The following EPHA2 variants were observed in gnomAD, a reference collection of about 807,000 sequenced individuals.
EPHA2 encodes ephrin type-A receptor 2.
In EPHA2, 54 loss-of-function variants were observed where a neutral mutation model predicts 104.9. The observed-to-expected ratio is 0.51, with a 90% CI of 0.41 to 0.65. The LOEUF (loss-of-function observed/expected upper bound fraction) is 0.65, where lower values mean the gene tolerates loss of function less well. Ranked by LOEUF, EPHA2 falls within the 30% of genes least tolerant of loss-of-function variation. EPHA2 has a pLI of 0.00. For synonymous variants in EPHA2, 560 were observed against 559.1 expected (o/e 1.00, Z -0.02); for missense variants, 1,117 against 1,369.5 (o/e 0.82, Z 2.91).
At position 16,124,399 on chromosome 1, in the gene EPHA2, A is replaced by G. The variant is rs1325647421; in HGVS notation, c.*816T>C. ...AATAAGTCATTTTCTAACAATAAAT[A>G]TAAAAAAAATAATAAATTAAGATTC... On this transcript the variant is annotated 3_prime_UTR_variant, in exon 17 of 17. Transcript: ENST00000358432. 1 of 152,618 alleles carries G rather than the reference A, an allele frequency of 6.6e-6. No individual in the cohort carries two copies. The highest frequency in any genetic ancestry group is 1.5e-5 in the Non-Finnish European group (1 of 68,044). 9.5% of individuals were successfully genotyped at this position (152,618 alleles called of 1,614,324 possible).
intron 1 of EPHA2, among the ~76,000 whole-genome samples, chr1:16,152,953 C>T (rs2025071129): frequency 6.6e-6 from 1 of 152,194 alleles, no homozygotes; most frequent in Non-Finnish European, 1.5e-5. Flanking sequence ...GTCCCTCCGC[C>T]CTGACGCGGG....
chr1:16,152,937 C>T (rs780467332), intron 1 of EPHA2, among the ~76,000 whole-genome samples: 4 of 152,176 alleles, frequency 2.6e-5, no homozygotes, highest in African/African-American at 4.8e-5. Flanking sequence ...AGGCGCCCAG[C>T]GCTGGGTCCC....
chr1:16,131,425 C>T lies in EPHA2; in HGVS notation c.2475+296G>A, dbSNP rs1463347462. 6.6e-6 allele frequency among the ~76,000 whole-genome samples: 1 copy of T among 151,998 alleles called. No individual in the cohort carries two copies. Among genetic ancestry groups the T allele is most frequent in the Non-Finnish European group, 1.5e-5 (1 of 67,992 alleles). On this transcript the variant is annotated intron_variant, in intron 14 of 16. Transcript: ENST00000358432. The surrounding 1 kb of genome is among the most constrained non-coding windows in gnomAD (Gnocchi z 5.2). ...TGAAACCCCGTCTCTACTAAAAATA[C>T]AAAAATTAGCTGGGTGTGGTGGCGC...
At position 16,125,368 on chromosome 1, in the gene EPHA2, A is replaced by AGGGGGGGGGGGGGGGGG; in HGVS notation, c.2826-49_2826-48insCCCCCCCCCCCCCCCCC. On this transcript the variant is annotated intron_variant, in intron 16 of 16. Transcript: ENST00000358432. The surrounding 1 kb of genome is among the most constrained non-coding windows in gnomAD (Gnocchi z 4.9). ...GGAGAGTTAGGGGCTGGAGCAGGGG[A>AGGGGGGGGGGGGGGGGG]GGGGGCCGGGCTGGGTGGGGACAGG... is the stretch of plus-strand genomic sequence containing the variant. The AGGGGGGGGGGGGGGGGG allele has an allele frequency of 1.3e-5, 1 of 74,612 alleles. No individual in the cohort carries two copies. The highest frequency in any genetic ancestry group is 9.0e-5 in the South Asian group (1 of 11,054). 4.6% of individuals were successfully genotyped at this position (74,612 alleles called of 1,614,324 possible). A position where few individuals can be genotyped will look rare whatever the true frequency, so the allele number is the denominator to read the frequency against.
chr1:16,133,830 G>T, intron 9 of EPHA2, 30 bp downstream of exon 9: 3 of 1,535,216 alleles, frequency 2.0e-6, no homozygotes, highest in Non-Finnish European at 2.6e-6. Context: ...TGCGGGCAGG[G>T]CTGGGCCTGG....
chr1:16,130,248 T>C lies in EPHA2; in HGVS notation c.2647A>G (p.Thr883Ala), dbSNP rs1192287525. The C allele has an allele frequency of 6.2e-7, 1 of 1,613,814 alleles. No individual in the cohort carries two copies. Among genetic ancestry groups the C allele is most frequent in the African/African-American group, 1.3e-5 (1 of 74,864 alleles). The part of the protein sequence containing the change: ...KLIRAPDSLK[T>A]LADFDPRVSI... ...CACCGGGGGTCAAAGTCAGCCAGGG[T>C]CTTGAGGGAGTCAGGGGCACGAATG... is the stretch of plus-strand genomic sequence containing the variant. Residue 883 changes from threonine (T) to alanine (A), a missense_variant, in exon 15 of 17, where the codon ACC becomes GCC. Around this residue, in one of 3 missense-constraint regions of EPHA2, gnomAD observed 340 missense variants for 480.5 expected, o/e 0.71. Transcript: ENST00000358432. This position sits in a 1 kb window ranked among gnomAD's most constrained non-coding sequence, Gnocchi z 4.5.
At chr1:16,139,886 G>T (rs143153078) in intron 3 of EPHA2, among the ~76,000 whole-genome samples, 1 of 152,110 alleles carries the variant, frequency 6.6e-6, no homozygotes, top group African/African-American at 2.4e-5. Flanking sequence ...GACCCCTGCC[G>T]TCAGGAAAAA....
Position 16,155,884 on chromosome 1 carries a change from C to T in EPHA2, c.49G>A (p.Ala17Thr), listed in dbSNP as rs1028392500. The change falls in exon 1 of 17, where the codon GCG (alanine) becomes ACG (threonine). Residue 17 changes from alanine to threonine, a missense_variant. Ala to Thr is a moderately conservative substitution (Grantham distance 58). This residue lies in a region of EPHA2 where 664 missense variants were observed against 784.8 expected (regional missense o/e 0.85). Coordinates refer to ENST00000358432, the MANE Select transcript of EPHA2 (RefSeq NM_004431.5). ...RACFALLWGC[A>T]LAAAAAAQGK... Reference sequence around the variant, plus strand: ...TGCGCCGCCGCGGCCGCGGCCAGCGCACAGCCCCACAGCAGGGCGAAGCAG... The same window carrying T: ...TGCGCCGCCGCGGCCGCGGCCAGCGTACAGCCCCACAGCAGGGCGAAGCAG... 7.5e-6 allele frequency: 11 copies of T among 1,475,014 alleles called. No homozygotes were observed. Among genetic ancestry groups the T allele is most frequent in the Non-Finnish European group, 9.8e-6 (11 of 1,120,164 alleles). 91.4% of individuals were successfully genotyped at this position (1,475,014 alleles called of 1,614,324 possible).
In EPHA2 at chr1:16,135,347, G is replaced by A. The variant is rs2024662987; in HGVS notation, c.1429-158C>T. The stretch of plus-strand genomic sequence containing the variant: ...GGAGGAAACTGAGGCTCGGAATTAA[G>A]TGACTCACTCAAGGTCAGAACCACT... On this transcript the variant is annotated intron_variant, in intron 6 of 16. Transcript: ENST00000358432. The surrounding 1 kb of genome is among the most constrained non-coding windows in gnomAD (Gnocchi z 4.3). 6.6e-6 allele frequency among the ~76,000 whole-genome samples: 1 copy of A among 152,192 alleles called. No homozygotes were observed. The highest frequency in any genetic ancestry group is 2.4e-5 in the African/African-American group (1 of 41,444).
chr1:16,133,449 C>T, intron 10 of EPHA2, 32 bp downstream of exon 10: 1 of 1,614,080 alleles, frequency 6.2e-7, no homozygotes, highest in Non-Finnish European at 8.5e-7. Flanking sequence ...CCGCTGCCTC[C>T]TCAGGGCCCC....
rs760453914 is a variant in EPHA2 at position 16,148,824 on chromosome 1, G to A, written c.377C>T (p.Ser126Leu). Residue 126 changes from serine to leucine, a missense_variant, in exon 3 of 17, where the codon TCG (serine) becomes TTG (leucine). Ser to Leu is a moderately radical substitution (Grantham distance 145, BLOSUM62 -2). Around this residue, in one of 3 missense-constraint regions of EPHA2, gnomAD observed 664 missense variants for 784.8 expected, o/e 0.85. Transcript: ENST00000358432. This position sits in a 1 kb window ranked among gnomAD's most constrained non-coding sequence, Gnocchi z 4.9. ...KETFNLYYAE[S>L]DLDYGTNFQK... The stretch of plus-strand genomic sequence containing the variant: ...GAAGTTGGTGCCGTAGTCCAGGTCC[G>A]ACTCGGCATAGTAGAGGTTGAAAGT... 1.1e-5 allele frequency: 18 copies of A among 1,614,008 alleles called. No individual in the cohort carries two copies. The highest frequency in any genetic ancestry group is 1.6e-4 in the Middle Eastern group (1 of 6,084).
chr1:16,155,710 C>T, intron 1 of EPHA2, 138 bp downstream of exon 1: 1 of 644,648 alleles, frequency 1.6e-6, no homozygotes, highest in Non-Finnish European at 2.3e-6. Flanking sequence ...CGATCGCAGC[C>T]CGTGCGCCCT....
intron 3 of EPHA2, among the ~76,000 whole-genome samples, chr1:16,143,436 T>C (rs72889718): frequency 1.2e-3 from 189 of 151,728 alleles, no homozygotes; most frequent in African/African-American, 4.1e-3. Flanking sequence ...GGCACACCTG[T>C]GGCACACCTG....
At position 16,155,887 on chromosome 1, in the gene EPHA2, A is replaced by T. The variant is rs1404150651; in HGVS notation, c.46T>A (p.Cys16Ser). 2 of 1,475,648 alleles carry T rather than the reference A, an allele frequency of 1.4e-6. No homozygotes were observed. The highest frequency in any genetic ancestry group is 2.4e-5 in the Admixed American group (1 of 42,142). 91.4% of individuals were successfully genotyped at this position (1,475,648 alleles called of 1,614,324 possible). ...GCCGCCGCGGCCGCGGCCAGCGCAC[A>T]GCCCCACAGCAGGGCGAAGCAGGCG... The part of the protein sequence containing the change: ...ARACFALLWG[C>S]ALAAAAAAQG... The change falls in exon 1 of 17, where the codon TGT (cysteine) becomes AGT (serine). Residue 16 changes from cysteine (C) to serine (S), a missense_variant. By Grantham distance (112) the Cys-to-Ser change is moderately radical. This residue lies in a region of EPHA2 where 664 missense variants were observed against 784.8 expected (regional missense o/e 0.85). Coordinates refer to ENST00000358432, the MANE Select transcript of EPHA2 (RefSeq NM_004431.5).
At chr1:16,154,958 C>T (rs1339725940) in intron 1 of EPHA2, among the ~76,000 whole-genome samples, 3 of 152,032 alleles carry the variant, frequency 2.0e-5, no homozygotes, top group Non-Finnish European at 4.4e-5. Context: ...CATCCTCGCC[C>T]TGACCCTAGC....
chr1:16,155,545 C>T (rs944964770), intron 1 of EPHA2: 2 of 377,734 alleles, frequency 5.3e-6, no homozygotes, highest in East Asian at 4.2e-5. Context: ...CCCACGCCCC[C>T]CGCCGGGACG....
rs1181093803 is a variant in EPHA2 at position 16,130,168 on chromosome 1, T to A, written c.2669+58A>T. The A allele has an allele frequency of 1.1e-5, 18 of 1,611,886 alleles. No homozygotes were observed. Among genetic ancestry groups the A allele is most frequent in the Non-Finnish European group, 1.4e-5 (17 of 1,178,468 alleles). Reference sequence around the variant, plus strand: ...CTGGGTGGCCACTCTACCGAAGTGGTTCAAGAGTCTGCAGAAGGAAAATTG... The same window carrying A: ...CTGGGTGGCCACTCTACCGAAGTGGATCAAGAGTCTGCAGAAGGAAAATTG... On this transcript the variant is annotated intron_variant, in intron 15 of 16. Coordinates refer to ENST00000358432, the MANE Select transcript of EPHA2 (RefSeq NM_004431.5). The surrounding 1 kb of genome is among the most constrained non-coding windows in gnomAD (Gnocchi z 4.5).
rs755520432 is a variant in EPHA2 at position 16,138,377 on chromosome 1, A to T, written c.877T>A (p.Cys293Ser). The T allele has an allele frequency of 1.2e-6, 2 of 1,613,806 alleles. No homozygotes were observed. The highest frequency in any genetic ancestry group is 1.7e-6 in the Non-Finnish European group (2 of 1,179,978). Reference sequence around the variant, plus strand: ...GGGGATGGCAGCGTGTGCTCAGGGCACTCCAAGCAGGGGCTCTCAGATGCC... The same window carrying T: ...GGGGATGGCAGCGTGTGCTCAGGGCTCTCCAAGCAGGGGCTCTCAGATGCC... ...FEASESPCLE[C>S]PEHTLPSPEG... Residue 293 changes from cysteine (C) to serine (S), a missense_variant, in exon 4 of 17, where the codon TGC becomes AGC. By Grantham distance (112) the Cys-to-Ser change is moderately radical. Transcript: ENST00000358432.
In EPHA2 at chr1:16,128,405, G is replaced by A. The variant is rs1165627778; in HGVS notation, c.2825+1029C>T. On this transcript the variant is annotated intron_variant, in intron 16 of 16. Coordinates refer to ENST00000358432, the MANE Select transcript of EPHA2 (RefSeq NM_004431.5). The surrounding 1 kb of genome is among the most constrained non-coding windows in gnomAD (Gnocchi z 4.7). ...AGGGAGGCTATGGCCTTGGCCAGCAGGTTGGGAGCCCAGCTGAGCAATTTC... is the reference window on the plus strand; with the variant it reads ...AGGGAGGCTATGGCCTTGGCCAGCAAGTTGGGAGCCCAGCTGAGCAATTTC... Among the ~76,000 whole-genome samples the A allele has an allele frequency of 6.6e-6, 1 of 152,228 alleles. No homozygotes were observed. Among genetic ancestry groups the A allele is most frequent in the Non-Finnish European group, 1.5e-5 (1 of 68,046 alleles).
Sources: allele counts gnomAD v4.1 joint callset (sites outside exome capture counted in the v4.1 genomes callset), GRCh38; gene constraint gnomAD v4.1.1; regional missense constraint gnomAD v4.1.1; non-coding constraint Gnocchi (gnomAD v3.1); transcripts MANE v1.5; gene names NCBI Gene and HGNC (gene_info 2026-07-23, HGNC 2026-07-21).